Variants in COL14A1 observed in about 807,000 individuals in gnomAD.
COL14A1 encodes collagen type XIV alpha 1 chain.
In COL14A1, 136 loss-of-function variants were observed where a neutral mutation model predicts 230.3. The ratio of observed to expected loss-of-function variants is 0.59; its 90% CI spans 0.51 to 0.68. COL14A1 has a LOEUF of 0.68. Among genes scored for constraint, COL14A1 ranks in the 30% least tolerant of loss-of-function variants. The pLI is 0.00. For missense variants in COL14A1, 1,976 were observed against 2,215.8 expected (o/e 0.89, Z 2.17); for synonymous variants, 792 against 784.1 (o/e 1.01, Z -0.17).
intron 37 of COL14A1, among the ~76,000 whole-genome samples, chr8:120,311,081 A>C (rs1821018836): frequency 6.6e-6 from 1 of 152,240 alleles, no homozygotes; most frequent in Non-Finnish European, 1.5e-5. Context: ...TGGGATAAAA[A>C]AGAAGTAAAT....
intron 19 of COL14A1, among the ~76,000 whole-genome samples, chr8:120,239,961 G>A (rs533519929): frequency 1.3e-5 from 2 of 151,894 alleles, no homozygotes; most frequent in East Asian, 3.9e-4. Flanking sequence ...TGTAAGCTAT[G>A]CAAGGTAAAA....
At chr8:120,297,827 A>G (rs896413645) in intron 35 of COL14A1, among the ~76,000 whole-genome samples, 6 of 152,034 alleles carry the variant, frequency 3.9e-5, no homozygotes, top group Non-Finnish European at 8.8e-5. Flanking sequence ...AGATGTTCCC[A>G]GATTCCATGG....
At chr8:120,227,184 A>G (rs1818123421) in intron 16 of COL14A1, 36 bp from the exon 17 acceptor site, 2 of 1,600,478 alleles carry the variant, frequency 1.2e-6, no homozygotes, top group African/African-American at 1.4e-5. Context: ...TTTTTTTCAA[A>G]TAAGCATAGT....
intron 45 of COL14A1, among the ~76,000 whole-genome samples, chr8:120,346,708 T>C (rs1822526291): frequency 6.6e-6 from 1 of 152,194 alleles, no homozygotes; most frequent in South Asian, 2.1e-4. Flanking sequence ...ATGAAATTGT[T>C]ATTGATCACC....
chr8:120,351,035 A>G (rs1168529741), intron 45 of COL14A1, among the ~76,000 whole-genome samples: 13 of 149,148 alleles, frequency 8.7e-5, no homozygotes, highest in East Asian at 2.0e-4. Flanking sequence ...ACAACAAACT[A>G]TCTCTCAGAC....
In COL14A1 at chr8:120,244,454, G is replaced by A. The variant is rs558577593; in HGVS notation, c.2479+446G>A. Among the ~76,000 whole-genome samples the A allele has an allele frequency of 1.5e-3, 230 of 152,092 alleles. 2 individuals are homozygous for A. The highest frequency in any genetic ancestry group is 0.014 in the Middle Eastern group (4 of 294). On this transcript the variant is annotated intron_variant, in intron 20 of 47. Coordinates refer to ENST00000297848, the MANE Select transcript of COL14A1 (RefSeq NM_021110.4). ...TTGGTTACATGAGTAATTCTTTAGTGGTGATTTGTGATATTTTGGTGCACT... is the reference window on the plus strand; with the variant it reads ...TTGGTTACATGAGTAATTCTTTAGTAGTGATTTGTGATATTTTGGTGCACT...
At position 120,145,609 on chromosome 8, in the gene COL14A1, C is replaced by A. The variant is rs375153782; in HGVS notation, c.-37-2197C>A. Reference sequence around the variant, plus strand: ...TCCAGCCCTGGGGACAAGAGTGAGACTCTGTCTCAAAACAAACAAACAAAC... The same window carrying A: ...TCCAGCCCTGGGGACAAGAGTGAGAATCTGTCTCAAAACAAACAAACAAAC... On this transcript the variant is annotated intron_variant, in intron 1 of 47. Transcript: ENST00000297848. 5.9e-5 allele frequency among the ~76,000 whole-genome samples: 9 copies of A among 152,298 alleles called. No homozygotes were observed. The East Asian group carries it at 1.5e-3, about 26-fold the overall frequency.
intron 8 of COL14A1, among the ~76,000 whole-genome samples, chr8:120,199,934 T>TC (rs1817173625): frequency 6.7e-6 from 1 of 148,624 alleles, no homozygotes; most frequent in African/African-American, 2.5e-5. Flanking sequence ...ATCTAATTTA[T>TC]CATTTTCAAG....
intron 5 of COL14A1, among the ~76,000 whole-genome samples, chr8:120,176,420 G>A (rs555217829): frequency 6.6e-6 from 1 of 152,088 alleles, no homozygotes; most frequent in African/African-American, 2.4e-5. Context: ...TATTTTTGAG[G>A]TATATTTTCA....
In COL14A1 at chr8:120,197,962, A is replaced by T. The variant is rs865996224; in HGVS notation, c.712+32A>T. The T allele has an allele frequency of 8.1e-6, 13 of 1,604,534 alleles. No homozygotes were observed. The Middle Eastern group carries it at 2.0e-3, about 246-fold the overall frequency. ...TTTGTTCAATCCATGTTATAACAAC[A>T]TATCTTTTTGAAGAATAATTGTATT... On this transcript the variant is annotated intron_variant, in intron 7 of 47. Coordinates refer to ENST00000297848, the MANE Select transcript of COL14A1 (RefSeq NM_021110.4).
At chr8:120,173,135 T>C (rs2130602847) in intron 5 of COL14A1, among the ~76,000 whole-genome samples, 1 of 152,316 alleles carries the variant, frequency 6.6e-6, no homozygotes, top group South Asian at 2.1e-4. Flanking sequence ...CATTCTACTG[T>C]AAAGAAGCTT....
Position 120,222,242 on chromosome 8 carries a change from C to T in COL14A1, c.1738-2846C>T, listed in dbSNP as rs528372743. Among the ~76,000 whole-genome samples the T allele has an allele frequency of 1.6e-4, 25 of 152,298 alleles. 1 individual carries two copies. In the South Asian group the frequency reaches 5.2e-3, roughly 32 times the overall value. On this transcript the variant is annotated intron_variant, in intron 14 of 47. Transcript: ENST00000297848. ...GCATATAAAGCATGCAGACAGTTTG[C>T]AGGCTGCAGCAAACAATAAGTGCTA...
intron 5 of COL14A1, among the ~76,000 whole-genome samples, chr8:120,186,945 C>A (rs773795876): frequency 7.9e-5 from 12 of 151,878 alleles, no homozygotes; most frequent in Non-Finnish European, 1.3e-4. Context: ...GTGTGATGGG[C>A]ACAAAAAAAA....
intron 33 of COL14A1, among the ~76,000 whole-genome samples, chr8:120,288,273 C>A (rs947131299): frequency 5.9e-5 from 9 of 152,048 alleles, no homozygotes; most frequent in African/African-American, 2.2e-4. Flanking sequence ...CATACTTGGG[C>A]AATAGTTAAT....
At chr8:120,203,597 GA>G in intron 8 of COL14A1, 111 bp from the exon 9 acceptor site, 2 of 758,318 alleles carry the variant, frequency 2.6e-6, no homozygotes, top group Non-Finnish European at 4.0e-6. Flanking sequence ...AGTAGCAGAT[GA>G]TGCTTTGACT....
chr8:120,363,727 C>T (rs1823308969), intron 45 of COL14A1, among the ~76,000 whole-genome samples: 1 of 152,138 alleles, frequency 6.6e-6, no homozygotes. Flanking sequence ...CTCCAGCAGT[C>T]AAGAGGCCTA....
intron 36 of COL14A1, among the ~76,000 whole-genome samples, chr8:120,306,719 G>GA (rs2130063033): frequency 6.6e-6 from 1 of 152,298 alleles, no homozygotes; most frequent in African/African-American, 2.4e-5. Context: ...GGATGAGGTG[G>GA]AAAGTAAGTT....
intron 5 of COL14A1, among the ~76,000 whole-genome samples, chr8:120,188,084 CTT>C (rs202106370): frequency 5.3e-4 from 75 of 141,468 alleles, no homozygotes; most frequent in Admixed American, 6.4e-4. Flanking sequence ...GAAGGCTTAA[CTT>C]TTTTTTTTTT....
intron 1 of COL14A1, among the ~76,000 whole-genome samples, chr8:120,133,150 A>G (rs904127959): frequency 7.3e-5 from 11 of 151,714 alleles, no homozygotes; most frequent in African/African-American, 2.7e-4. Context: ...CGGGAGGCGG[A>G]GCTTGCAGTG....
Sources: gnomAD v4.1 joint callset for allele counts (sites outside exome capture counted in the v4.1 genomes callset) on GRCh38, gnomAD v4.1.1 for gene constraint, MANE v1.5 for transcripts, NCBI Gene and HGNC (gene_info 2026-07-23, HGNC 2026-07-21) for gene names.